The following CCDC171 variants were observed in gnomAD, a reference collection of about 807,000 sequenced individuals.
CCDC171 encodes coiled-coil domain containing 171.
CCDC171 carries 177 observed loss-of-function variants against 168.2 expected under a neutral mutation model. The ratio of observed to expected loss-of-function variants is 1.05; its 90% confidence interval spans 0.93 to 1.19. CCDC171 has a LOEUF of 1.19. Among genes scored for constraint, CCDC171 ranks in the 50% most tolerant of loss-of-function variants. CCDC171 has a pLI of 0.00. For synonymous variants in CCDC171, 687 were observed against 540.8 expected (o/e 1.27, Z -3.75); for missense variants, 1,991 against 1,539.0 (o/e 1.29, Z -4.91).
intron 3 of CCDC171, among the ~76,000 whole-genome samples, chr9:15,980,770 A>G (rs1831767177): frequency 6.6e-6 from 1 of 151,682 alleles, no homozygotes; most frequent in East Asian, 1.9e-4. Flanking sequence ...ACTATTTCAA[A>G]GCACCTGCTA....
intron 18 of CCDC171, among the ~76,000 whole-genome samples, chr9:15,746,801 C>T (rs550830106): frequency 5.5e-4 from 84 of 152,282 alleles, no homozygotes; most frequent in African/African-American, 1.9e-3. Context: ...CGGGGTGTCA[C>T]CTCACCTGGG....
Position 15,812,853 on chromosome 9 carries a change from G to A in CCDC171, c.3267+28159G>A, listed in dbSNP as rs77342413. Among the ~76,000 whole-genome samples, 1,163 of 152,262 alleles carry A rather than the reference G, an allele frequency of 7.6e-3. 27 individuals are homozygous for A. The highest frequency in any genetic ancestry group is 0.026 in the African/African-American group (1,091 of 41,532). On this transcript the variant is annotated intron_variant, in intron 21 of 25. Coordinates refer to ENST00000380701, the MANE Select transcript of CCDC171 (RefSeq NM_173550.4). ...TGCGTTCCCTGTCCCCACTAAATTTGTGTATATTGGGTTGAGCATGGGTTT... is the reference window on the plus strand; with the variant it reads ...TGCGTTCCCTGTCCCCACTAAATTTATGTATATTGGGTTGAGCATGGGTTT...
intron 1 of CCDC171, among the ~76,000 whole-genome samples, chr9:15,558,613 C>G (rs1023171266): frequency 2.3e-4 from 35 of 151,642 alleles, no homozygotes; most frequent in Non-Finnish European, 3.5e-4. Flanking sequence ...ATCTTTGATT[C>G]TTCTCTCTTT....
At chr9:15,556,824 G>A (rs1339004224) in intron 1 of CCDC171, among the ~76,000 whole-genome samples, 1 of 152,094 alleles carries the variant, frequency 6.6e-6, no homozygotes, top group African/African-American at 2.4e-5. Flanking sequence ...CCATGCCTAT[G>A]TCCTGAATGG....
the CCDC171 span, among the ~76,000 whole-genome samples, chr9:16,076,567 C>G: frequency 1.3e-5 from 2 of 152,160 alleles, no homozygotes; most frequent in Non-Finnish European, 2.9e-5. Flanking sequence ...TCCCTAGGGT[C>G]CCATGCTTCC....
At chr9:16,067,630 A>C in the CCDC171 span, among the ~76,000 whole-genome samples, 1 of 152,050 alleles carries the variant, frequency 6.6e-6, no homozygotes, top group African/African-American at 2.4e-5. Flanking sequence ...ATCTTGAATT[A>C]ATTTTTGTAT....
At chr9:15,879,440 T>C (rs1231670787) in intron 24 of CCDC171, among the ~76,000 whole-genome samples, 1 of 152,178 alleles carries the variant, frequency 6.6e-6, no homozygotes, top group African/African-American at 2.4e-5. Flanking sequence ...ATGTTGGGCA[T>C]ATTACAATTC....
rs146787014 is a variant in CCDC171 at position 15,641,145 on chromosome 9, T to A, written c.823-15982T>A. On this transcript the variant is annotated intron_variant, in intron 7 of 25. Coordinates refer to ENST00000380701, the MANE Select transcript of CCDC171 (RefSeq NM_173550.4). Reference sequence around the variant, plus strand: ...TGAAAACATCTATTAAAGGGAATTATCAGGTGATAAAATCTGGAAAAATAA... The same window carrying A: ...TGAAAACATCTATTAAAGGGAATTAACAGGTGATAAAATCTGGAAAAATAA... Among the ~76,000 whole-genome samples the A allele has an allele frequency of 5.9e-3, 893 of 152,258 alleles. 14 individuals carry two copies. Among genetic ancestry groups the A allele is most frequent in the African/African-American group, 0.02 (816 of 41,570 alleles).
chr9:15,968,727 C>T (rs746734307), intron 25 of CCDC171, among the ~76,000 whole-genome samples: 4 of 151,820 alleles, frequency 2.6e-5, no homozygotes, highest in Non-Finnish European at 5.9e-5. Flanking sequence ...TTAGCAGAGA[C>T]GAGGTTCCAC....
At chr9:15,558,525 G>C (rs573101877) in intron 1 of CCDC171, among the ~76,000 whole-genome samples, 1 of 152,160 alleles carries the variant, frequency 6.6e-6, no homozygotes, top group Admixed American at 6.5e-5. Flanking sequence ...TTGCGTAGTG[G>C]TGTTCATAGT....
At chr9:15,879,596 G>C (rs544564565) in intron 24 of CCDC171, among the ~76,000 whole-genome samples, 52 of 152,128 alleles carry the variant, frequency 3.4e-4, no homozygotes, top group African/African-American at 1.2e-3. Flanking sequence ...CTATTTGTGT[G>C]CATTGTTTTT....
At chr9:15,913,835 T>C (rs1490621216) in intron 24 of CCDC171, among the ~76,000 whole-genome samples, 2 of 152,202 alleles carry the variant, frequency 1.3e-5, no homozygotes, top group South Asian at 2.1e-4. Flanking sequence ...TGCATGCTTG[T>C]TCTTTTTGTT....
chr9:16,093,775 G>C, the CCDC171 span, among the ~76,000 whole-genome samples: 1 of 152,162 alleles, frequency 6.6e-6, no homozygotes, highest in African/African-American at 2.4e-5. Context: ...ACCAACATAA[G>C]TGAGTACCCT....
At chr9:16,108,825 C>T in the CCDC171 span, among the ~76,000 whole-genome samples, 23 of 152,212 alleles carry the variant, frequency 1.5e-4, no homozygotes, top group Non-Finnish European at 2.9e-5. Context: ...TGAAGCCTCA[C>T]CAGAAGCTGA....
At chr9:15,986,767 T>G (rs1304426230) in intron 3 of CCDC171, among the ~76,000 whole-genome samples, 1 of 152,190 alleles carries the variant, frequency 6.6e-6, no homozygotes, top group East Asian at 1.9e-4. Flanking sequence ...TTTATGTCAT[T>G]TGTTTGTTCA....
chr9:15,939,973 C>G (rs1827537309), intron 25 of CCDC171, among the ~76,000 whole-genome samples: 1 of 151,830 alleles, frequency 6.6e-6, no homozygotes. Context: ...TGTTTCATGA[C>G]TGCTTGAAAG....
the CCDC171 span, among the ~76,000 whole-genome samples, chr9:16,102,770 G>A: frequency 1.1e-4 from 16 of 152,276 alleles, no homozygotes; most frequent in African/African-American, 3.1e-4. Flanking sequence ...GAAAGTGGCC[G>A]GAGGAAACTC....
intron 3 of CCDC171, among the ~76,000 whole-genome samples, chr9:15,984,893 T>A (rs1831935592): frequency 6.6e-6 from 1 of 152,196 alleles, no homozygotes; most frequent in African/African-American, 2.4e-5. Flanking sequence ...CAAATGGATC[T>A]ACATTTCAGA....
intron 21 of CCDC171, among the ~76,000 whole-genome samples, chr9:15,825,434 T>C (rs1420498346): frequency 6.6e-6 from 1 of 152,162 alleles, no homozygotes; most frequent in Admixed American, 6.6e-5. Flanking sequence ...ATACGTTCTC[T>C]GCAATCCTCT....
Sources: gnomAD v4.1 joint callset for allele counts (sites outside exome capture counted in the v4.1 genomes callset) on GRCh38, gnomAD v4.1.1 for gene constraint, MANE v1.5 for transcripts, NCBI Gene and HGNC (gene_info 2026-07-23, HGNC 2026-07-21) for gene names.